WWOX: variants seen among roughly 807,000 people sequenced by gnomAD.
The protein encoded by WWOX is WW domain-containing oxidoreductase.
A neutral mutation model predicts 46.2 loss-of-function variants in WWOX; 69 were observed. The ratio of observed to expected loss-of-function variants is 1.49; its 90% CI spans 1.23 to 1.82. The LOEUF (loss-of-function observed/expected upper bound fraction) is 1.82, where lower values mean the gene tolerates loss of function less well. Among genes scored for constraint, WWOX ranks in the 40% most tolerant of loss-of-function variants. The pLI is 0.00. For synonymous variants in WWOX, 359 were observed against 202.6 expected (o/e 1.77, Z -6.56); for missense variants, 919 against 542.6 (o/e 1.69, Z -6.89).
At position 78,683,641 on chromosome 16, in the gene WWOX, A is replaced by C. The variant is rs1327930504; in HGVS notation, c.1056+250889A>C. 3.9e-5 allele frequency among the ~76,000 whole-genome samples: 6 copies of C among 152,094 alleles called. No individual in the cohort carries two copies. The East Asian group carries it at 1.2e-3, about 29-fold the overall frequency. On this transcript the variant is annotated intron_variant, in intron 8 of 8. Transcript: ENST00000566780. ...GGTCTTGAACTCCTGGGTTCACGTG[A>C]TCCTCCTGCCTCGGCTTCCCAAAGT...
intron 8 of WWOX, among the ~76,000 whole-genome samples, chr16:78,473,247 AG>A (rs1450305480): frequency 6.6e-6 from 1 of 152,172 alleles, no homozygotes; most frequent in African/African-American, 2.4e-5. Context: ...GTCCTGCCTC[AG>A]CCTCCCAAGT....
chr16:78,692,602 A>C (rs2048014905), intron 8 of WWOX, among the ~76,000 whole-genome samples: 2 of 152,346 alleles, frequency 1.3e-5, no homozygotes, highest in South Asian at 4.1e-4. Context: ...CATATGCCTG[A>C]ATCTCTCACC....
intron 8 of WWOX, chr16:78,892,194 T>G (rs2044605321): frequency 1.3e-5 from 2 of 152,102 alleles, no homozygotes; most frequent in African/African-American, 4.8e-5. Context: ...CATACGAAAT[T>G]CAAGGATTGG....
intron 8 of WWOX, among the ~76,000 whole-genome samples, chr16:78,446,035 C>T (rs1391831259): frequency 6.6e-6 from 1 of 152,144 alleles, no homozygotes; most frequent in African/African-American, 2.4e-5. Context: ...GATAACTGGG[C>T]TTATTTTGCT....
At chr16:79,211,401 C>T (rs1055325799) in intron 8 of WWOX, among the ~76,000 whole-genome samples, 7 of 152,138 alleles carry the variant, frequency 4.6e-5, no homozygotes, top group South Asian at 2.1e-4. Flanking sequence ...GCTTTACAAG[C>T]GGAGTTTATG....
chr16:78,822,190 T>C (rs9935675), intron 8 of WWOX, among the ~76,000 whole-genome samples: 6,189 of 152,154 alleles, frequency 0.041, 438 homozygotes, highest in African/African-American at 0.14. Flanking sequence ...ATAAACTCTT[T>C]AGTGTCAAAA....
At chr16:78,643,575 CT>C (rs1245494470) in intron 8 of WWOX, among the ~76,000 whole-genome samples, 3 of 152,142 alleles carry the variant, frequency 2.0e-5, no homozygotes, top group Non-Finnish European at 4.4e-5. Flanking sequence ...TTCCAGCCCC[CT>C]GTAGGAGAGG....
chr16:78,344,235 T>C lies in WWOX; in HGVS notation c.517-42625T>C, dbSNP rs1400481331. On this transcript the variant is annotated intron_variant, in intron 5 of 8. Coordinates refer to ENST00000566780, the MANE Select transcript of WWOX (RefSeq NM_016373.4). The stretch of plus-strand genomic sequence containing the variant: ...GCGTTTTGACAGGATGATGAATAAA[T>C]ATGCTGGGCCCAGAGGACTCCAGGT... Among the ~76,000 whole-genome samples the C allele has an allele frequency of 1.7e-5, 2 of 120,292 alleles. 1 individual carries two copies. Among genetic ancestry groups the C allele is most frequent in the Non-Finnish European group, 4.0e-5 (2 of 50,470 alleles). 78.9% of individuals were successfully genotyped at this position (120,292 alleles called of 152,430 possible).
At chr16:79,133,844 T>G (rs911129519) in intron 8 of WWOX, among the ~76,000 whole-genome samples, 4 of 152,224 alleles carry the variant, frequency 2.6e-5, no homozygotes, top group African/African-American at 4.8e-5. Flanking sequence ...AGTAAATGTT[T>G]TTTTCAAAGG....
intron 8 of WWOX, among the ~76,000 whole-genome samples, chr16:78,662,288 G>C (rs1282224474): frequency 1.3e-5 from 2 of 152,160 alleles, no homozygotes; most frequent in Admixed American, 1.3e-4. Flanking sequence ...GGCAAGGCAA[G>C]GTCACCAGGA....
chr16:78,602,064 T>G (rs897295049), intron 8 of WWOX, among the ~76,000 whole-genome samples: 1 of 152,236 alleles, frequency 6.6e-6, no homozygotes, highest in African/African-American at 2.4e-5. Context: ...CTTAGGTTCC[T>G]GAAATTAGAG....
intron 8 of WWOX, among the ~76,000 whole-genome samples, chr16:79,092,105 T>G (rs1280913700): frequency 3.3e-5 from 5 of 152,246 alleles, no homozygotes; most frequent in Non-Finnish European, 7.4e-5. Flanking sequence ...TAAAGAAATG[T>G]GTAATTCAGA....
Position 78,328,986 on chromosome 16 carries a change from C to T in WWOX, c.517-57874C>T, listed in dbSNP as rs187702748. Among the ~76,000 whole-genome samples the T allele has an allele frequency of 9.1e-4, 138 of 152,140 alleles. 3 individuals are homozygous for T. Among genetic ancestry groups the T allele is most frequent in the Admixed American group, 8.2e-3 (126 of 15,284 alleles). ...AAGCGATTCTCCTGCCTCAGCCTCC[C>T]GAGTACCTGGGACTACAGGCTCCCA... On this transcript the variant is annotated intron_variant, in intron 5 of 8. Transcript: ENST00000566780.
intron 8 of WWOX, among the ~76,000 whole-genome samples, chr16:78,797,054 G>C (rs910719129): frequency 1.3e-5 from 2 of 152,022 alleles, no homozygotes; most frequent in Non-Finnish European, 2.9e-5. Context: ...TGGAACACCT[G>C]ATCTCAAGTG....
chr16:78,677,028 A>G (rs1362509651), intron 8 of WWOX, among the ~76,000 whole-genome samples: 2 of 151,666 alleles, frequency 1.3e-5, no homozygotes, highest in East Asian at 3.9e-4. Context: ...AAAAGCAACA[A>G]AAGCAGTTTT....
rs540656030 is a variant in WWOX, at chr16:78,915,343, C to T, written c.1057-296265C>T. Among the ~76,000 whole-genome samples the T allele has an allele frequency of 8.1e-4, 123 of 152,250 alleles. 1 individual carries two copies. Among genetic ancestry groups the T allele is most frequent in the African/African-American group, 2.8e-3 (116 of 41,536 alleles). ...ATAAGAAGTAAATGCTGTGTGTCTGCGATTCAAAAGACCCCTTTCACGGGA... is the reference window on the plus strand; with the variant it reads ...ATAAGAAGTAAATGCTGTGTGTCTGTGATTCAAAAGACCCCTTTCACGGGA... On this transcript the variant is annotated intron_variant, in intron 8 of 8. Coordinates refer to ENST00000566780, the MANE Select transcript of WWOX (RefSeq NM_016373.4).
chr16:78,163,111 T>C (rs1161069091), intron 4 of WWOX, among the ~76,000 whole-genome samples: 1 of 152,220 alleles, frequency 6.6e-6, no homozygotes, highest in Non-Finnish European at 1.5e-5. Flanking sequence ...CTCTGGCTTT[T>C]GGTGAAGTTT....
intron 8 of WWOX, among the ~76,000 whole-genome samples, chr16:79,176,025 T>A (rs1187828031): frequency 6.6e-6 from 1 of 152,214 alleles, no homozygotes. Flanking sequence ...GAAACTGGAT[T>A]TTCCCTTTGT....
At chr16:78,672,068 G>A (rs1442816048) in intron 8 of WWOX, among the ~76,000 whole-genome samples, 1 of 152,140 alleles carries the variant, frequency 6.6e-6, no homozygotes, top group Non-Finnish European at 1.5e-5. Flanking sequence ...TGATTAAAAA[G>A]CATTCTGTTA....
Sources: allele counts gnomAD v4.1 joint callset (sites outside exome capture counted in the v4.1 genomes callset), GRCh38; gene constraint gnomAD v4.1.1; transcripts MANE v1.5; gene names NCBI Gene and HGNC (gene_info 2026-07-23, HGNC 2026-07-21).